Variants in CSMD1 observed in about 807,000 individuals in gnomAD.
CSMD1 encodes the protein CUB and Sushi multiple domains 1.
CSMD1 carries 213 observed loss-of-function variants against 417.5 expected under a neutral mutation model. The ratio of observed to expected loss-of-function variants is 0.51; its 90% confidence interval spans 0.46 to 0.57. The LOEUF is 0.57. Among genes scored for constraint, CSMD1 ranks in the 20% least tolerant of loss-of-function variants. The pLI, the probability that CSMD1 is intolerant of heterozygous loss-of-function variation, is 0.00. For synonymous variants in CSMD1, 2,862 were observed against 1,736.8 expected (o/e 1.65, Z -16.11); for missense variants, 6,923 against 4,529.7 (o/e 1.53, Z -15.17).
At chr8:3,603,019 A>C (rs1801436131) in intron 8 of CSMD1, among the ~76,000 whole-genome samples, 1 of 152,206 alleles carries the variant, frequency 6.6e-6, no homozygotes, top group African/African-American at 2.4e-5. Context: ...AGGATATTCC[A>C]CCAGCCCTAT....
intron 25 of CSMD1, chr8:3,284,574 G>C: frequency 1.9e-6 from 1 of 533,056 alleles, no homozygotes; most frequent in South Asian, 2.1e-5. Context: ...TGGACGCAGA[G>C]AGATAGGTGA....
chr8:3,003,497 G>A (rs1807593722), intron 52 of CSMD1, among the ~76,000 whole-genome samples: 1 of 152,172 alleles, frequency 6.6e-6, no homozygotes, highest in African/African-American at 2.4e-5. Flanking sequence ...AACAGAAACA[G>A]AATAACCTCA....
intron 55 of CSMD1, among the ~76,000 whole-genome samples, chr8:2,978,221 C>T (rs1197966230): frequency 1.3e-5 from 2 of 152,202 alleles, no homozygotes; most frequent in African/African-American, 2.4e-5. Flanking sequence ...CAGAGCACTT[C>T]GCCCACCTGG....
chr8:3,954,579 G>C (rs926850363), intron 5 of CSMD1, among the ~76,000 whole-genome samples: 2 of 152,216 alleles, frequency 1.3e-5, no homozygotes, highest in Non-Finnish European at 2.9e-5. Flanking sequence ...GTGTTGCTCA[G>C]GCTGGAACGC....
intron 18 of CSMD1, among the ~76,000 whole-genome samples, chr8:3,385,562 C>T (rs1481143407): frequency 2.6e-5 from 4 of 152,018 alleles, no homozygotes; most frequent in African/African-American, 9.7e-5. Flanking sequence ...ACTTCTAAAA[C>T]CAAGGAGTAT....
intron 1 of CSMD1, among the ~76,000 whole-genome samples, chr8:4,720,957 G>C (rs1676976): frequency 0.13 from 19,377 of 152,082 alleles, 1,288 homozygotes; most frequent in Middle Eastern, 0.16. Context: ...TCTTAAGCTT[G>C]CCCTGCCTAC....
At chr8:3,462,489 T>C (rs1816567324) in intron 12 of CSMD1, among the ~76,000 whole-genome samples, 1 of 152,116 alleles carries the variant, frequency 6.6e-6, no homozygotes, top group South Asian at 2.1e-4. Context: ...AACCCTATTG[T>C]GAACTGCACA....
At chr8:3,764,444 C>A (rs1798163113) in intron 5 of CSMD1, among the ~76,000 whole-genome samples, 2 of 152,070 alleles carry the variant, frequency 1.3e-5, no homozygotes, top group Admixed American at 1.3e-4. Context: ...CTTACTGGGC[C>A]CTGAAGACAT....
intron 2 of CSMD1, among the ~76,000 whole-genome samples, chr8:4,623,603 A>G (rs1801904554): frequency 6.6e-6 from 1 of 152,152 alleles, no homozygotes; most frequent in Admixed American, 6.6e-5. Flanking sequence ...TTAGAGTGAT[A>G]AACTAAATGT....
intron 7 of CSMD1, among the ~76,000 whole-genome samples, chr8:3,643,736 C>T (rs571367104): frequency 7.1e-6 from 1 of 140,476 alleles, no homozygotes; most frequent in Non-Finnish European, 1.5e-5. Context: ...AATGCCTCCT[C>T]TGCCTTTTCC....
chr8:3,086,930 G>A (rs1397705822), intron 49 of CSMD1, among the ~76,000 whole-genome samples, 167 bp downstream of exon 49: 1 of 152,156 alleles, frequency 6.6e-6, no homozygotes, highest in South Asian at 2.1e-4. Context: ...CTACATGTCA[G>A]GAAAGTTTGC....
intron 3 of CSMD1, among the ~76,000 whole-genome samples, chr8:4,402,191 C>T (rs895369373): frequency 1.3e-5 from 2 of 152,074 alleles, no homozygotes; most frequent in Non-Finnish European, 2.9e-5. Context: ...TCCAAAATTG[C>T]GACTTTCTGA....
intron 3 of CSMD1, among the ~76,000 whole-genome samples, chr8:4,300,681 A>G (rs1813349): frequency 0.77 from 116,773 of 151,652 alleles, 45,183 homozygotes; most frequent in East Asian, 0.86. Context: ...CTATCTCTCC[A>G]CACTCTCCCA....
At chr8:3,891,046 T>G (rs1806937166) in intron 5 of CSMD1, among the ~76,000 whole-genome samples, 1 of 152,030 alleles carries the variant, frequency 6.6e-6, no homozygotes, top group South Asian at 2.1e-4. Context: ...TTGTTTTTTT[T>G]TTGTTTTATT....
chr8:3,768,259 G>C (rs61021784), intron 5 of CSMD1, among the ~76,000 whole-genome samples: 1 of 152,034 alleles, frequency 6.6e-6, no homozygotes, highest in Non-Finnish European at 1.5e-5. Flanking sequence ...ACGTATTCCC[G>C]GGCCAAGTGA....
chr8:4,135,928 T>C (rs923883476), intron 3 of CSMD1, among the ~76,000 whole-genome samples: 1 of 152,228 alleles, frequency 6.6e-6, no homozygotes, highest in Non-Finnish European at 1.5e-5. Context: ...TAGTTTTCCC[T>C]GGATTGGGCT....
intron 54 of CSMD1, among the ~76,000 whole-genome samples, chr8:2,987,718 C>T (rs538433840): frequency 1.3e-5 from 2 of 152,300 alleles, no homozygotes; most frequent in South Asian, 2.1e-4. Context: ...GGTTCATCAC[C>T]GTTTCCCTCT....
chr8:3,268,171 G>T (rs958257550), intron 26 of CSMD1, among the ~76,000 whole-genome samples: 1 of 151,820 alleles, frequency 6.6e-6, no homozygotes, highest in Non-Finnish European at 1.5e-5. Flanking sequence ...ATGAATGAAT[G>T]AGTGAATATC....
At chr8:4,548,684 T>A (rs746153831) in intron 2 of CSMD1, among the ~76,000 whole-genome samples, 4 of 152,212 alleles carry the variant, frequency 2.6e-5, no homozygotes, top group African/African-American at 7.2e-5. Flanking sequence ...TCCATCTACC[T>A]GTCTACAAAG....
Sources: gnomAD v4.1 joint callset for allele counts (sites outside exome capture counted in the v4.1 genomes callset) on GRCh38, gnomAD v4.1.1 for gene constraint, MANE v1.5 for transcripts, NCBI Gene and HGNC (gene_info 2026-07-23, HGNC 2026-07-21) for gene names.